The following KBTBD12 variants were observed in gnomAD, a reference collection of about 807,000 sequenced individuals.
KBTBD12 encodes the protein kelch repeat and BTB domain-containing protein 12.
In KBTBD12, 53 loss-of-function variants were observed where a neutral mutation model predicts 58.7. That is an observed-to-expected ratio of 0.90 (90% CI 0.72 to 1.14). The LOEUF (loss-of-function observed/expected upper bound fraction) is 1.14, where lower values mean the gene tolerates loss of function less well. KBTBD12 is among the 50% of genes most tolerant of loss of function. The pLI is 0.00. For synonymous variants in KBTBD12, 236 were observed against 259.8 expected, an observed-to-expected ratio of 0.91 and a Z score of 0.88; for missense variants, 704 against 751.3, an observed-to-expected ratio of 0.94 and a Z score of 0.74.
Position 127,927,455 on chromosome 3 carries a change from C to G in KBTBD12, c.1071-309C>G, listed in dbSNP as rs1361016285. 2.6e-5 allele frequency among the ~76,000 whole-genome samples: 4 copies of G among 152,160 alleles called. No homozygotes were observed. In the East Asian group the frequency reaches 7.7e-4, roughly 29 times the overall value. ...AATGATTTGCTTAAAAACTTTCTAT[C>G]CATTCTTGATTTTCTTTCCCAGAAT... On this transcript the variant is annotated intron_variant, in intron 2 of 5. Coordinates refer to ENST00000405109, the MANE Select transcript of KBTBD12 (RefSeq NM_207335.4).
At chr3:127,965,076 G>A (rs1451164035) in intron 5 of KBTBD12, among the ~76,000 whole-genome samples, 3 of 152,220 alleles carry the variant, frequency 2.0e-5, no homozygotes, top group Non-Finnish European at 2.9e-5. Context: ...CCATATTCTG[G>A]CCTTTGGCTT....
chr3:127,919,294 G>A (rs566731021), intron 1 of KBTBD12, among the ~76,000 whole-genome samples: 2 of 152,194 alleles, frequency 1.3e-5, no homozygotes, highest in Non-Finnish European at 2.9e-5. Context: ...GCAGTGGCAC[G>A]ATCTTGGCTC....
At chr3:127,917,397 G>A (rs1313710037) in intron 1 of KBTBD12, among the ~76,000 whole-genome samples, 5 of 152,208 alleles carry the variant, frequency 3.3e-5, no homozygotes, top group African/African-American at 9.7e-5. Flanking sequence ...ACAGCCAGGT[G>A]CACCACACTT....
intron 4 of KBTBD12, among the ~76,000 whole-genome samples, chr3:127,956,184 G>T (rs1559769886): frequency 1.3e-5 from 2 of 152,102 alleles, no homozygotes; most frequent in African/African-American, 4.8e-5. Context: ...CATATGAGGG[G>T]TTTTAAACCT....
At chr3:127,954,620 T>C (rs921740541) in intron 4 of KBTBD12, among the ~76,000 whole-genome samples, 1 of 152,216 alleles carries the variant, frequency 6.6e-6, no homozygotes, top group African/African-American at 2.4e-5. Context: ...CAAATTGCGT[T>C]CAAAAGTTGC....
rs1468778757 is a variant in KBTBD12 at position 127,984,428 on chromosome 3, G to A, written c.*150G>A. On this transcript the variant is annotated 3_prime_UTR_variant, in exon 6 of 6. Coordinates refer to ENST00000405109, the MANE Select transcript of KBTBD12 (RefSeq NM_207335.4). ...CAGTGTGTGCTGGGCACTGGGTGGG[G>A]AGCATGGGGAGTCTCCCTTCAGGGA... The A allele has an allele frequency of 2.9e-6, 2 of 680,982 alleles. No individual in the cohort carries two copies. Among genetic ancestry groups the A allele is most frequent in the African/African-American group, 1.8e-5 (1 of 55,294 alleles). 42.2% of individuals were successfully genotyped at this position (680,982 alleles called of 1,614,324 possible).
chr3:127,974,989 T>G (rs1212694946), intron 5 of KBTBD12, among the ~76,000 whole-genome samples: 2 of 152,066 alleles, frequency 1.3e-5, no homozygotes, highest in African/African-American at 4.8e-5. Context: ...AATAAATAAA[T>G]AAATCATCTC....
At position 127,923,015 on chromosome 3, in the gene KBTBD12, A is replaced by C. The variant is rs1298166935; in HGVS notation, c.-47A>C. ...ACATGCAAATAGCCCCTCAGGAATC[A>C]AGCTACACTTAAAGAAGACTTAGTT... On this transcript the variant is annotated 5_prime_UTR_variant, in exon 2 of 6. Coordinates refer to ENST00000405109, the MANE Select transcript of KBTBD12 (RefSeq NM_207335.4). 8.9e-7 allele frequency: 1 copy of C among 1,119,144 alleles called. No homozygotes were observed. The highest frequency in any genetic ancestry group is 1.6e-5 in the African/African-American group (1 of 64,266). 69.3% of individuals were successfully genotyped at this position (1,119,144 alleles called of 1,614,324 possible).
intron 4 of KBTBD12, among the ~76,000 whole-genome samples, chr3:127,945,310 G>A (rs1157060879): frequency 4.0e-5 from 6 of 149,650 alleles, no homozygotes; most frequent in Non-Finnish European, 5.9e-5. Flanking sequence ...TCAGCCTCCC[G>A]AGTAGGTGAG....
chr3:127,919,770 A>G (rs1939352830), intron 1 of KBTBD12, among the ~76,000 whole-genome samples: 1 of 151,402 alleles, frequency 6.6e-6, no homozygotes, highest in African/African-American at 2.4e-5. Context: ...TGATGTATCT[A>G]TTATCTCTCT....
rs1384751451 is a variant in KBTBD12 at position 127,986,442 on chromosome 3, AG to A, written c.*2167del. ...GTGCCCAAAACAGACTCAGTGCTTT[AG>A]GGAAGTGGGGCAGATGTGCATATGG... On this transcript the variant is annotated 3_prime_UTR_variant, in exon 6 of 6. Coordinates refer to ENST00000405109, the MANE Select transcript of KBTBD12 (RefSeq NM_207335.4). The A allele has an allele frequency of 6.6e-6, 1 of 151,792 alleles. No individual in the cohort carries two copies. The highest frequency in any genetic ancestry group is 2.0e-4 in the East Asian group (1 of 5,118). The allele number at this position is 151,792 out of a possible 1,614,324, so 9.4% of individuals were successfully genotyped here. A position where few individuals can be genotyped will look rare whatever the true frequency, so the allele number is the denominator to read the frequency against.
At chr3:127,922,368 G>A (rs775510310) in intron 1 of KBTBD12, among the ~76,000 whole-genome samples, 4 of 152,088 alleles carry the variant, frequency 2.6e-5, no homozygotes, top group Non-Finnish European at 5.9e-5. Context: ...GCCTTCCAAA[G>A]CCCAGTAGAT....
intron 4 of KBTBD12, among the ~76,000 whole-genome samples, chr3:127,950,279 G>A (rs1940175729): frequency 6.6e-6 from 1 of 152,264 alleles, no homozygotes; most frequent in African/African-American, 2.4e-5. Context: ...TCTCAGGGAG[G>A]GAAGTGGGAA....
In KBTBD12 at chr3:127,954,592, C is replaced by G. The variant is rs142243380; in HGVS notation, c.1493-8597C>G. On this transcript the variant is annotated intron_variant, in intron 4 of 5. Coordinates refer to ENST00000405109, the MANE Select transcript of KBTBD12 (RefSeq NM_207335.4). ...TCATGAATATGCTTTGGATTTCCAT[C>G]AAGTGTTCTTAAAATGTCAAATTGC... Among the ~76,000 whole-genome samples, 119 of 152,328 alleles carry G rather than the reference C, an allele frequency of 7.8e-4. 1 individual carries two copies. The East Asian group carries it at 0.019, about 24-fold the overall frequency.
chr3:127,924,122 A>G lies in KBTBD12; in HGVS notation c.1061A>G (p.Glu354Gly). ...KLSRQKNKNVEIYRYHDRGNQ... is the reference protein window; with the variant it reads ...KLSRQKNKNVGIYRYHDRGNQ... The stretch of plus-strand genomic sequence containing the variant: ...TCTAGACAAAAGAACAAGAATGTTG[A>G]AATTTATAGGTTTGTATCTAGCAGC... The change falls in exon 2 of 6, where the codon GAA becomes GGA. Residue 354 changes from glutamate (E) to glycine (G), a missense_variant. Physicochemically the swap from Glu to Gly is moderately conservative, Grantham distance 98. Coordinates refer to ENST00000405109, the MANE Select transcript of KBTBD12 (RefSeq NM_207335.4). The G allele has an allele frequency of 6.2e-7, 1 of 1,604,458 alleles. No individual in the cohort carries two copies. The highest frequency in any genetic ancestry group is 1.1e-5 in the South Asian group (1 of 89,994).
rs1217842648 is a variant in KBTBD12, at chr3:127,984,035, T to C, written c.1691-62T>C. On this transcript the variant is annotated intron_variant, in intron 5 of 5. Transcript: ENST00000405109. ...TGGAGGAAGTTACTCAGTATGGTGC[T>C]GATGGCCTCTGAATTTAATACCCAC... The C allele has an allele frequency of 3.0e-6, 4 of 1,346,188 alleles. No individual in the cohort carries two copies. The East Asian group carries it at 9.2e-5, about 31-fold the overall frequency. The allele number at this position is 1,346,188 out of a possible 1,614,324, so 83.4% of individuals were successfully genotyped here.
chr3:127,973,603 G>A (rs747510116), intron 5 of KBTBD12, among the ~76,000 whole-genome samples: 3 of 151,806 alleles, frequency 2.0e-5, no homozygotes, highest in Non-Finnish European at 4.4e-5. Flanking sequence ...TAGGAGTGAA[G>A]TATTATGCCT....
intron 5 of KBTBD12, among the ~76,000 whole-genome samples, chr3:127,971,586 G>A (rs993287869): frequency 5.3e-5 from 8 of 152,130 alleles, no homozygotes; most frequent in Non-Finnish European, 8.8e-5. Flanking sequence ...GCAGCCCATC[G>A]GTACACACTT....
intron 5 of KBTBD12, among the ~76,000 whole-genome samples, chr3:127,973,740 T>A (rs1349215856): frequency 6.6e-6 from 1 of 152,214 alleles, no homozygotes; most frequent in Non-Finnish European, 1.5e-5. Context: ...GTATTCAGTG[T>A]ACTATTCTTT....
Sources: allele counts gnomAD v4.1 joint callset (sites outside exome capture counted in the v4.1 genomes callset), GRCh38; gene constraint gnomAD v4.1.1; transcripts MANE v1.5; gene names NCBI Gene and HGNC (gene_info 2026-07-23, HGNC 2026-07-21).